Variants in SGO2 observed in about 807,000 individuals in gnomAD.
SGO2 encodes shugoshin-like 2.
In SGO2, 68 loss-of-function variants were observed where a neutral mutation model predicts 99.5. The ratio of observed to expected loss-of-function variants is 0.68; its 90% confidence interval spans 0.56 to 0.84. The LOEUF is 0.84. SGO2 is among the 40% of genes least tolerant of loss of function. The probability of loss-of-function intolerance (pLI) is 0.00; values close to 1 mark genes in which losing one functional copy is unlikely to be tolerated. For synonymous variants in SGO2, 457 were observed against 487.1 expected, an observed-to-expected ratio of 0.94 and a Z score of 0.81; for missense variants, 1,350 against 1,436.7, an observed-to-expected ratio of 0.94 and a Z score of 0.97.
At chr2:200,532,866 A>T in intron 1 of SGO2, 108 bp from the exon 2 acceptor site, 1 of 1,131,606 alleles carries the variant, frequency 8.8e-7, no homozygotes, top group Non-Finnish European at 1.2e-6. Flanking sequence ...GCAAATACTT[A>T]ATGCACAAAG....
chr2:200,535,049 C>T lies in SGO2; in HGVS notation c.187C>T (p.Gln63Ter), dbSNP rs2031622874. 1 of 1,558,662 alleles carries T rather than the reference C, an allele frequency of 6.4e-7. No homozygotes were observed. The highest frequency in any genetic ancestry group is 8.6e-7 in the Non-Finnish European group (1 of 1,162,498). Residue 63 changes from glutamine to a stop codon, truncating the protein, a stop_gained, in exon 3 of 9, where the codon CAG becomes TAG. Transcript: ENST00000357799. LOFTEE classifies it high-confidence loss of function. ...SLKHNNRALA[Q>*]ALSREKENSR... ...AAAGCACAACAACAGGGCATTAGCT[C>T]AGGCTCTTAGTAGAGAAAAAGAGAA...
chr2:200,558,920 A>G (rs570966820), intron 5 of SGO2, among the ~76,000 whole-genome samples: 80 of 151,686 alleles, frequency 5.3e-4, no homozygotes, highest in African/African-American at 1.8e-3. Context: ...CTCCTGTCTC[A>G]GCCTCCTGAG....
At chr2:200,557,857 A>G (rs1264492440) in intron 5 of SGO2, among the ~76,000 whole-genome samples, 1 of 138,442 alleles carries the variant, frequency 7.2e-6, no homozygotes, top group Non-Finnish European at 1.6e-5. Context: ...ACCTTGTTGC[A>G]TTGGCTACTT....
intron 8 of SGO2, chr2:200,576,173 C>A: frequency 1.4e-5 from 4 of 279,846 alleles, no homozygotes; most frequent in Non-Finnish European, 1.4e-5. Context: ...TAATATAAGG[C>A]AGGGTAAAAG....
At chr2:200,563,597 C>G (rs541356803) in intron 5 of SGO2, among the ~76,000 whole-genome samples, 1 of 152,326 alleles carries the variant, frequency 6.6e-6, no homozygotes, top group South Asian at 2.1e-4. Context: ...AGGATTCCCT[C>G]TTTTTCTATT....
rs747581687 is a variant in SGO2 at position 200,573,387 on chromosome 2, A to C, written c.3041A>C (p.Gln1014Pro). The stretch of plus-strand genomic sequence containing the variant: ...GCTTCACAGTTAACAGAATCTTCAC[A>C]GACATCTATCTCCTTAGAATCTGAT... Reference protein sequence around the residue: ...KLASQLTESSQTSISLESDLK... With the variant: ...KLASQLTESSPTSISLESDLK... The change falls in exon 7 of 9, where the codon CAG becomes CCG. Residue 1014 changes from glutamine to proline, a missense_variant. Physicochemically the swap from Gln to Pro is moderately conservative, Grantham distance 76 (BLOSUM62 -1). Transcript: ENST00000357799. 1 of 1,601,822 alleles carries C rather than the reference A, an allele frequency of 6.2e-7. No individual in the cohort carries two copies. Among genetic ancestry groups the C allele is most frequent in the Non-Finnish European group, 8.5e-7 (1 of 1,176,610 alleles).
intron 4 of SGO2, among the ~76,000 whole-genome samples, chr2:200,540,569 G>A (rs972119850): frequency 6.6e-6 from 1 of 152,200 alleles, no homozygotes; most frequent in Admixed American, 6.5e-5. Context: ...GATAATGAAG[G>A]GGGGAGGTTG....
chr2:200,569,930 T>C, intron 6 of SGO2, 38 bp downstream of exon 6: 1 of 1,305,744 alleles, frequency 7.7e-7, no homozygotes, highest in Non-Finnish European at 1.1e-6. Context: ...AGTATTTGTA[T>C]TAGTTACATT....
At chr2:200,547,691 C>T (rs546554117) in intron 5 of SGO2, among the ~76,000 whole-genome samples, 7 of 152,170 alleles carry the variant, frequency 4.6e-5, no homozygotes, top group African/African-American at 1.4e-4. Context: ...CTCAGTTCTT[C>T]AGTTAAAAGC....
At position 200,572,018 on chromosome 2, in the gene SGO2, A is replaced by G; in HGVS notation, c.1672A>G (p.Ile558Val). Residue 558 changes from isoleucine (I) to valine (V), a missense_variant, in exon 7 of 9, where the codon ATT becomes GTT. Physicochemically the swap from Ile to Val is conservative, Grantham distance 29. Transcript: ENST00000357799. The stretch of plus-strand genomic sequence containing the variant: ...CCCAAACCAAAAGGATAAAGTAACC[A>G]TTTATGAAAACCTAGACGTCACAAA... ...LLPNQKDKVT[I>V]YENLDVTNEF... 1.2e-6 allele frequency: 2 copies of G among 1,612,708 alleles called. No individual in the cohort carries two copies. Among genetic ancestry groups the G allele is most frequent in the South Asian group, 1.1e-5 (1 of 90,528 alleles).
In SGO2 at chr2:200,572,052, A is replaced by T; in HGVS notation, c.1706A>T (p.His569Leu). 1 of 1,613,506 alleles carries T rather than the reference A, an allele frequency of 6.2e-7. No homozygotes were observed. Among genetic ancestry groups the T allele is most frequent in the Non-Finnish European group, 8.5e-7 (1 of 1,179,610 alleles). Residue 569 changes from histidine to leucine, a missense_variant, in exon 7 of 9, where the codon CAC becomes CTC. Transcript: ENST00000357799. ...AACCTAGACGTCACAAATGAATTTC[A>T]CACAGCCAATCTTTCCACCAAAGAT... ...YENLDVTNEFHTANLSTKDNG... is the reference protein window; with the variant it reads ...YENLDVTNEFLTANLSTKDNG...
Position 200,572,034 on chromosome 2 carries a change from A to G in SGO2, c.1688A>G (p.Asp563Gly), listed in dbSNP as rs1407998926. Reference protein sequence around the residue: ...KDKVTIYENLDVTNEFHTANL... With the variant: ...KDKVTIYENLGVTNEFHTANL... ...AAAGTAACCATTTATGAAAACCTAGACGTCACAAATGAATTTCACACAGCC... is the reference window on the plus strand; with the variant it reads ...AAAGTAACCATTTATGAAAACCTAGGCGTCACAAATGAATTTCACACAGCC... Residue 563 changes from aspartate (D) to glycine (G), a missense_variant, in exon 7 of 9, where the codon GAC becomes GGC. By Grantham distance (94) the Asp-to-Gly change is moderately conservative. Coordinates refer to ENST00000357799, the MANE Select transcript of SGO2 (RefSeq NM_152524.6). 5 of 1,613,348 alleles carry G rather than the reference A, an allele frequency of 3.1e-6. No homozygotes were observed. The highest frequency in any genetic ancestry group is 4.2e-6 in the Non-Finnish European group (5 of 1,179,590).
At chr2:200,540,247 T>C (rs2031900394) in intron 4 of SGO2, among the ~76,000 whole-genome samples, 1 of 152,212 alleles carries the variant, frequency 6.6e-6, no homozygotes, top group African/African-American at 2.4e-5. Flanking sequence ...AGTTACCTGA[T>C]TTTTGGTATG....
Position 200,573,852 on chromosome 2 carries a change from A to C in SGO2, c.3506A>C (p.Asn1169Thr), listed in dbSNP as rs377667962. 5.6e-6 allele frequency: 9 copies of C among 1,613,194 alleles called. No individual in the cohort carries two copies. The highest frequency in any genetic ancestry group is 6.8e-6 in the Non-Finnish European group (8 of 1,179,498). The change falls in exon 7 of 9, where the codon AAT (asparagine) becomes ACT (threonine). Residue 1169 changes from asparagine to threonine, a missense_variant. Coordinates refer to ENST00000357799, the MANE Select transcript of SGO2 (RefSeq NM_152524.6). ...LVPLSVSSGK[N>T]VIIKENFALE... ...CCTTTGAGCGTTTCTTCTGGTAAAA[A>C]TGTGATAATAAAAGAAAATTTTGCC...
chr2:200,552,568 C>T (rs1212890360), intron 5 of SGO2, among the ~76,000 whole-genome samples: 1 of 152,174 alleles, frequency 6.6e-6, no homozygotes, highest in Admixed American at 6.6e-5. Flanking sequence ...ATTCCTGGAA[C>T]TGAGGTTTTC....
chr2:200,546,353 G>GAAAA (rs772361302), intron 5 of SGO2, among the ~76,000 whole-genome samples: 2 of 42,248 alleles, frequency 4.7e-5, no homozygotes, highest in Non-Finnish European at 8.1e-5. Context: ...ACTCCATCTG[G>GAAAA]AAAAAAAAAA....
chr2:200,569,251 A>G (rs889097788), intron 5 of SGO2, among the ~76,000 whole-genome samples: 1 of 152,126 alleles, frequency 6.6e-6, no homozygotes, highest in Non-Finnish European at 1.5e-5. Flanking sequence ...TATTTCACAC[A>G]TAATTTTATA....
chr2:200,537,214 C>T, intron 4 of SGO2, among the ~76,000 whole-genome samples: 1 of 151,948 alleles, frequency 6.6e-6, no homozygotes, highest in South Asian at 2.1e-4. Context: ...GTGTAGAGTG[C>T]CTTTCCCTCT....
chr2:200,574,856 T>A (rs181720662), intron 7 of SGO2, among the ~76,000 whole-genome samples: 1 of 152,170 alleles, frequency 6.6e-6, no homozygotes, highest in Non-Finnish European at 1.5e-5. Context: ...AAATTTTTAC[T>A]GGGAGCCTAT....
Sources: allele counts gnomAD v4.1 joint callset (sites outside exome capture counted in the v4.1 genomes callset), GRCh38; gene constraint gnomAD v4.1.1; transcripts MANE v1.5; gene names NCBI Gene and HGNC (gene_info 2026-07-23, HGNC 2026-07-21).